FGGY: variants seen among roughly 807,000 people sequenced by gnomAD.
FGGY encodes the protein FGGY carbohydrate kinase domain-containing protein.
In FGGY, 72 loss-of-function variants were observed where a neutral mutation model predicts 71.3. That is an observed-to-expected ratio of 1.01 (90% CI 0.84 to 1.23). The LOEUF (loss-of-function observed/expected upper bound fraction) is 1.23, where lower values mean the gene tolerates loss of function less well. Among genes scored for constraint, FGGY ranks in the 50% most tolerant of loss-of-function variants. The pLI is 0.00. For synonymous variants in FGGY, 251 were observed against 250.3 expected (o/e 1.00, Z -0.02); for missense variants, 668 against 682.3 (o/e 0.98, Z 0.23).
intron 9 of FGGY, among the ~76,000 whole-genome samples, chr1:59,610,255 C>T (rs1181880100): frequency 6.6e-6 from 1 of 152,036 alleles, no homozygotes; most frequent in African/African-American, 2.4e-5. Flanking sequence ...CCCAACTGGC[C>T]CCAGTATGTG....
intron 5 of FGGY, among the ~76,000 whole-genome samples, chr1:59,397,219 G>C (rs1224453122): frequency 6.6e-6 from 1 of 152,110 alleles, no homozygotes. Flanking sequence ...ACAAATTATT[G>C]CATTTCTGTG....
intron 12 of FGGY, among the ~76,000 whole-genome samples, chr1:59,664,972 G>A (rs1488625123): frequency 6.6e-6 from 1 of 152,154 alleles, no homozygotes; most frequent in African/African-American, 2.4e-5. Context: ...TTATAGAAAG[G>A]TTAAGGTACA....
intron 7 of FGGY, among the ~76,000 whole-genome samples, chr1:59,531,339 C>T (rs1053825237): frequency 6.6e-5 from 10 of 152,136 alleles, no homozygotes; most frequent in African/African-American, 2.4e-4. Context: ...TAAATGTGAT[C>T]ACAAATAGAA....
chr1:59,609,391 C>T (rs1037295566), intron 9 of FGGY, among the ~76,000 whole-genome samples: 10 of 152,136 alleles, frequency 6.6e-5, no homozygotes, highest in African/African-American at 2.2e-4. Context: ...TGCTTAGAAG[C>T]CATGAGGGTA....
intron 4 of FGGY, among the ~76,000 whole-genome samples, chr1:59,365,776 G>A (rs1259092861): frequency 6.6e-6 from 1 of 152,194 alleles, no homozygotes; most frequent in Non-Finnish European, 1.5e-5. Flanking sequence ...ATGTCAAAGT[G>A]CTTTGAAAAC....
chr1:59,386,397 C>T (rs1392931545), intron 5 of FGGY, among the ~76,000 whole-genome samples: 2 of 152,078 alleles, frequency 1.3e-5, no homozygotes, highest in African/African-American at 4.8e-5. Flanking sequence ...GTTTGTTTTT[C>T]GGAGGAAGAC....
chr1:59,538,306 AC>A (rs1482620418), intron 7 of FGGY, among the ~76,000 whole-genome samples: 1 of 150,752 alleles, frequency 6.6e-6, no homozygotes, highest in Non-Finnish European at 1.5e-5. Flanking sequence ...ACCATCTCAC[AC>A]CAGTTAGAAT....
At chr1:59,325,871 C>T (rs924589952) in intron 2 of FGGY, among the ~76,000 whole-genome samples, 5 of 152,218 alleles carry the variant, frequency 3.3e-5, no homozygotes, top group Non-Finnish European at 7.3e-5. Flanking sequence ...CCAAATCTTC[C>T]TCTCTGTCTT....
chr1:59,595,418 C>T (rs1028732373), intron 8 of FGGY, among the ~76,000 whole-genome samples: 4 of 152,096 alleles, frequency 2.6e-5, no homozygotes, highest in Middle Eastern at 3.2e-3. Flanking sequence ...TGGCCTGGCG[C>T]GGTGGCTCAT....
At chr1:59,514,327 C>T (rs957554240) in intron 7 of FGGY, among the ~76,000 whole-genome samples, 1 of 152,190 alleles carries the variant, frequency 6.6e-6, no homozygotes, top group South Asian at 2.1e-4. Flanking sequence ...CTTGAAGAGC[C>T]GCAGGCACTA....
intron 6 of FGGY, among the ~76,000 whole-genome samples, chr1:59,460,415 C>T (rs1034725017): frequency 1.1e-4 from 17 of 152,168 alleles, no homozygotes; most frequent in African/African-American, 3.9e-4. Flanking sequence ...GAACTGGGTG[C>T]AGCCCACCAC....
At chr1:59,393,157 A>G (rs1458091750) in intron 5 of FGGY, 4 of 152,012 alleles carry the variant, frequency 2.6e-5, no homozygotes, top group East Asian at 1.9e-4. Flanking sequence ...CTTCTCCCCA[A>G]CCCTGCCTGT....
At chr1:59,526,009 A>G (rs1284754679) in intron 7 of FGGY, among the ~76,000 whole-genome samples, 2 of 152,162 alleles carry the variant, frequency 1.3e-5, no homozygotes, top group East Asian at 3.8e-4. Flanking sequence ...ATGTGTATAT[A>G]CTGTGCATGC....
intron 14 of FGGY, among the ~76,000 whole-genome samples, chr1:59,722,440 C>A (rs905769538): frequency 6.6e-6 from 1 of 152,174 alleles, no homozygotes; most frequent in Admixed American, 6.5e-5. Flanking sequence ...TACGATCTAC[C>A]TCCTCGTGGG....
intron 8 of FGGY, among the ~76,000 whole-genome samples, chr1:59,589,143 G>C (rs191858338): frequency 6.6e-6 from 1 of 152,246 alleles, no homozygotes. Flanking sequence ...TGCAATCCTA[G>C]TCTCTGATAA....
At chr1:59,707,382 G>A (rs991218558) in intron 14 of FGGY, among the ~76,000 whole-genome samples, 9 of 152,184 alleles carry the variant, frequency 5.9e-5, no homozygotes, top group African/African-American at 1.9e-4. Flanking sequence ...GAATGACTCA[G>A]AGGCCAAGCT....
intron 11 of FGGY, among the ~76,000 whole-genome samples, chr1:59,648,638 T>A (rs1572613928): frequency 6.6e-6 from 1 of 150,498 alleles, no homozygotes; most frequent in African/African-American, 2.5e-5. Context: ...CATTGTAGAT[T>A]CTGGATATTA....
In FGGY at chr1:59,744,990, T is replaced by C. The variant is rs557209358; in HGVS notation, c.1513-12941T>C. Among the ~76,000 whole-genome samples the C allele has an allele frequency of 1.6e-3, 242 of 152,350 alleles. 2 individuals are homozygous for C. The highest frequency in any genetic ancestry group is 2.4e-3 in the Non-Finnish European group (163 of 68,040). On this transcript the variant is annotated intron_variant, in intron 14 of 15. Transcript: ENST00000303721. Reference sequence around the variant, plus strand: ...TTAAAAGGGCACTACAGTGATTTGCTTTGGACCTGCATTCCACACCTGTCA... The same window carrying C: ...TTAAAAGGGCACTACAGTGATTTGCCTTGGACCTGCATTCCACACCTGTCA...
intron 7 of FGGY, among the ~76,000 whole-genome samples, chr1:59,534,709 G>C (rs2095263501): frequency 1.3e-5 from 2 of 151,120 alleles, no homozygotes; most frequent in South Asian, 4.2e-4. Flanking sequence ...TTTCAACCCA[G>C]AATTTCATAT....
Sources: gnomAD v4.1 joint callset for allele counts (sites outside exome capture counted in the v4.1 genomes callset) on GRCh38, gnomAD v4.1.1 for gene constraint, MANE v1.5 for transcripts, NCBI Gene and HGNC (gene_info 2026-07-23, HGNC 2026-07-21) for gene names.